Variants in HMGN5 observed in about 807,000 individuals in gnomAD.
HMGN5 encodes the protein high mobility group nucleosome-binding domain-containing protein 5.
A neutral mutation model predicts 9.5 loss-of-function variants in HMGN5; 4 were observed. The ratio of observed to expected loss-of-function variants is 0.42; its 90% CI spans 0.21 to 0.96. The LOEUF is 0.96. Ranked by LOEUF, HMGN5 falls within the 40% of genes least tolerant of loss-of-function variation. The pLI is 0.30. For synonymous variants in HMGN5, 55 were observed against 57.1 expected, an observed-to-expected ratio of 0.96 and a Z score of 0.16; for missense variants, 192 against 187.5, an observed-to-expected ratio of 1.02 and a Z score of -0.14.
intron 1 of HMGN5, among the ~76,000 whole-genome samples, chrX:81,138,869 A>G (rs2075319425): frequency 8.9e-6 from 1 of 112,067 alleles, no homozygotes; most frequent in African/African-American, 3.2e-5. Flanking sequence ...TAAAAGCACA[A>G]TATCATTTAC....
At chrX:81,177,085 G>A (rs2075444214) in intron 1 of HMGN5, among the ~76,000 whole-genome samples, 1 of 109,940 alleles carries the variant, frequency 9.1e-6, no homozygotes, top group African/African-American at 3.3e-5. Context: ...CAGACTAACA[G>A]CGGATCTCTC....
chrX:81,140,753 A>G (rs1013894417), intron 1 of HMGN5, among the ~76,000 whole-genome samples: 2 of 110,592 alleles, frequency 1.8e-5, no homozygotes, highest in African/African-American at 6.6e-5. Context: ...ATACAGTGCA[A>G]AACTCCTTCT....
chrX:81,121,495 T>C (rs759430367), intron 2 of HMGN5, 40 bp downstream of exon 2: 3 of 1,177,452 alleles, frequency 2.5e-6, no homozygotes, highest in African/African-American at 1.8e-5. Flanking sequence ...AATAGGTAAC[T>C]CAGCAGCTCA....
At chrX:81,158,409 C>A (rs760203267) in intron 1 of HMGN5, among the ~76,000 whole-genome samples, 1 of 112,311 alleles carries the variant, frequency 8.9e-6, no homozygotes, top group South Asian at 3.7e-4. Flanking sequence ...ATTTGCATTT[C>A]TCTGATGATC....
At chrX:81,144,824 AAACAT>A (rs1299777558) in intron 1 of HMGN5, among the ~76,000 whole-genome samples, 1 of 112,131 alleles carries the variant, frequency 8.9e-6, no homozygotes, top group Non-Finnish European at 1.9e-5. Flanking sequence ...TGGAGCTGAA[AAACAT>A]AGCACAAGAA....
intron 1 of HMGN5, among the ~76,000 whole-genome samples, chrX:81,188,420 T>C (rs1182836934): frequency 9.1e-6 from 1 of 109,798 alleles, no homozygotes. Context: ...TGAGCCATTG[T>C]GCCCAGCCAA....
intron 1 of HMGN5, among the ~76,000 whole-genome samples, chrX:81,140,951 A>G (rs2075327521): frequency 9.0e-6 from 1 of 111,189 alleles, no homozygotes. Flanking sequence ...GGTGAGTCTC[A>G]GGCCAGGCAG....
intron 1 of HMGN5, among the ~76,000 whole-genome samples, chrX:81,185,514 G>C (rs1392678984): frequency 1.8e-5 from 2 of 111,616 alleles, no homozygotes; most frequent in Non-Finnish European, 3.8e-5. Context: ...TAGCTCTTTG[G>C]AGGAGATTTT....
At chrX:81,157,970 C>G (rs969878515) in intron 1 of HMGN5, among the ~76,000 whole-genome samples, 1 of 110,156 alleles carries the variant, frequency 9.1e-6, no homozygotes, top group African/African-American at 3.3e-5. Context: ...TCAGTAGAGA[C>G]GGGGCTTCAC....
chrX:81,167,453 TAC>T (rs371953666), intron 1 of HMGN5, among the ~76,000 whole-genome samples: 3,379 of 101,792 alleles, frequency 0.033, 103 homozygotes, highest in African/African-American at 0.096. Context: ...CATATTTGTG[TAC>T]ACACACACAC....
intron 1 of HMGN5, among the ~76,000 whole-genome samples, chrX:81,184,461 C>T (rs2075471531): frequency 9.0e-6 from 1 of 111,701 alleles, no homozygotes; most frequent in Non-Finnish European, 1.9e-5. Context: ...TACCCCGTCT[C>T]ACATATTTCT....
intron 1 of HMGN5, among the ~76,000 whole-genome samples, chrX:81,146,970 G>C (rs1569344847): frequency 9.0e-6 from 1 of 111,595 alleles, no homozygotes; most frequent in Non-Finnish European, 1.9e-5. Flanking sequence ...TCCCTGAATA[G>C]ACCAATAACA....
intron 3 of HMGN5, 90 bp downstream of exon 3, chrX:81,119,698 T>C (rs1028220298): frequency 2.7e-6 from 2 of 744,493 alleles, no homozygotes; most frequent in African/African-American, 4.2e-5. Context: ...TGTACAAATA[T>C]ACCAACCAGC....
At chrX:81,165,885 C>G (rs1454852600) in intron 1 of HMGN5, among the ~76,000 whole-genome samples, 3 of 111,453 alleles carry the variant, frequency 2.7e-5, no homozygotes, top group African/African-American at 9.8e-5. Context: ...TAACAGATAT[C>G]AGCTGCAGTT....
At chrX:81,116,103 A>C in intron 6 of HMGN5, 101 bp downstream of exon 6, 1 of 579,197 alleles carries the variant, frequency 1.7e-6, no homozygotes, top group Non-Finnish European at 2.7e-6. Context: ...TGCTCACTTA[A>C]TTTTTTTCCA....
At chrX:81,186,696 T>C (rs1323161084) in intron 1 of HMGN5, among the ~76,000 whole-genome samples, 1 of 111,515 alleles carries the variant, frequency 9.0e-6, no homozygotes, top group Non-Finnish European at 1.9e-5. Context: ...TAATTTTTAA[T>C]TTTTTGGGTA....
At chrX:81,168,882 A>T (rs1385025538) in intron 1 of HMGN5, among the ~76,000 whole-genome samples, 1 of 111,438 alleles carries the variant, frequency 9.0e-6, no homozygotes, top group Non-Finnish European at 1.9e-5. Flanking sequence ...TGCCTAGGAA[A>T]AGTTTACAGT....
chrX:81,141,054 C>G (rs1011296478), intron 1 of HMGN5, among the ~76,000 whole-genome samples: 2 of 111,730 alleles, frequency 1.8e-5, no homozygotes, highest in Admixed American at 1.9e-4. Flanking sequence ...ATGGTGGTAG[C>G]TACCAGGAGA....
At chrX:81,166,197 G>T (rs1483414666) in intron 1 of HMGN5, among the ~76,000 whole-genome samples, 1 of 111,183 alleles carries the variant, frequency 9.0e-6, no homozygotes, top group African/African-American at 3.3e-5. Context: ...TGATCTAGGA[G>T]AATTGCTATA....
Sources: allele counts gnomAD v4.1 joint callset (sites outside exome capture counted in the v4.1 genomes callset), GRCh38; gene constraint gnomAD v4.1.1; transcripts MANE v1.5; gene names NCBI Gene and HGNC (gene_info 2026-07-23, HGNC 2026-07-21).